NPIPB7: variants seen among roughly 807,000 people sequenced by gnomAD.
The protein encoded by NPIPB7 is nuclear pore complex-interacting protein family member B7.
For synonymous variants in NPIPB7, 9 were observed against 88.1 expected (o/e 0.10, Z 5.03); for missense variants, 14 against 238.5 (o/e 0.06, Z 6.20).
intron 2 of NPIPB7, among the ~76,000 whole-genome samples, chr16:28,463,547 A>G (rs2045885135): frequency 7.1e-6 from 1 of 140,694 alleles, no homozygotes; most frequent in South Asian, 2.3e-4. Context: ...ACCAACATGG[A>G]GAAACGCTGT....
intron 2 of NPIPB7, among the ~76,000 whole-genome samples, chr16:28,463,389 TCACACA>T (rs57853696): frequency 0.04 from 1,820 of 45,706 alleles, 17 homozygotes; most frequent in South Asian, 0.073. Flanking sequence ...AGACTCTGTC[TCACACA>T]CACACACACA....
intron 2 of NPIPB7, among the ~76,000 whole-genome samples, chr16:28,465,421 G>A (rs1882237316): frequency 1.9e-5 from 2 of 103,904 alleles, no homozygotes; most frequent in South Asian, 3.8e-4. Context: ...GGAGGTGGAG[G>A]TTGCAGTGAG....
chr16:28,462,328 G>A (rs2045876815), intron 4 of NPIPB7, among the ~76,000 whole-genome samples: 1 of 139,920 alleles, frequency 7.1e-6, no homozygotes, highest in South Asian at 2.2e-4. Context: ...GCTGAGGCAG[G>A]AGAATTGCTT....
intron 1 of NPIPB7, among the ~76,000 whole-genome samples, chr16:28,468,806 CA>C (rs1032086551): frequency 0.023 from 565 of 24,394 alleles, 13 homozygotes; most frequent in East Asian, 0.074. Flanking sequence ...GACTCTGTCT[CA>C]AAAAAAAAAA....
upstream of NPIPB7, among the ~76,000 whole-genome samples, chr16:28,471,989 C>T (rs1260679902): frequency 3.3e-5 from 5 of 152,018 alleles, no homozygotes; most frequent in East Asian, 5.8e-4. Flanking sequence ...GAGATAGTGC[C>T]ACTGCACTCC....
chr16:28,463,408 C>CAG (rs1811681888), intron 2 of NPIPB7, among the ~76,000 whole-genome samples: 1 of 102,816 alleles, frequency 9.7e-6, no homozygotes. Flanking sequence ...CACACACACA[C>CAG]ACACACACAC....
chr16:28,465,739 A>AT (rs2045902817), intron 2 of NPIPB7, among the ~76,000 whole-genome samples: 1 of 83,088 alleles, frequency 1.2e-5, no homozygotes, highest in African/African-American at 4.0e-5. Flanking sequence ...ATCTTGGATC[A>AT]TTGTTCAGGA....
At chr16:28,470,729 A>G (rs2141686802), upstream of NPIPB7, among the ~76,000 whole-genome samples, 1 of 150,894 alleles carries the variant, frequency 6.6e-6, no homozygotes, top group South Asian at 2.1e-4. Flanking sequence ...GGAGAAGAAG[A>G]AAGGGGTCTG....
upstream of NPIPB7, among the ~76,000 whole-genome samples, chr16:28,470,735 G>T (rs1444841996): frequency 6.6e-6 from 1 of 150,944 alleles, no homozygotes; most frequent in Non-Finnish European, 1.5e-5. Context: ...GAAGAAAGGG[G>T]TCTGGGAAAG....
upstream of NPIPB7, among the ~76,000 whole-genome samples, chr16:28,471,987 G>A (rs956789606): frequency 1.3e-5 from 2 of 152,026 alleles, no homozygotes; most frequent in Non-Finnish European, 2.9e-5. Context: ...CTGAGATAGT[G>A]CCACTGCACT....
upstream of NPIPB7, among the ~76,000 whole-genome samples, chr16:28,470,848 G>A (rs2045945758): frequency 4.7e-5 from 6 of 126,384 alleles, no homozygotes; most frequent in South Asian, 1.4e-3. Context: ...GGGAGCGTGA[G>A]GCTTAGGAGC....
intron 2 of NPIPB7, among the ~76,000 whole-genome samples, chr16:28,463,566 A>G (rs2045885310): frequency 6.9e-6 from 1 of 144,940 alleles, no homozygotes; most frequent in African/African-American, 2.6e-5. Context: ...GTCTCTGCTA[A>G]AAATACAAAA....
upstream of NPIPB7, among the ~76,000 whole-genome samples, chr16:28,472,225 C>A (rs185287876): frequency 2.0e-5 from 3 of 152,028 alleles, no homozygotes; most frequent in East Asian, 1.9e-4. Flanking sequence ...CCAGACTGGG[C>A]AACATAGTGA....
chr16:28,470,636 AG>A (rs1317574920), upstream of NPIPB7: 8 of 13,428 alleles, frequency 6.0e-4, no homozygotes, highest in South Asian at 9.2e-4. Context: ...GGGGAGGGGG[AG>A]GGGAAGGGGA....
chr16:28,470,530 C>T lies in NPIPB7; in HGVS notation c.-92G>A, dbSNP rs1303631330. 3.7e-5 allele frequency: 23 copies of T among 616,448 alleles called. No homozygotes were observed. The East Asian group carries it at 3.9e-4, about 10-fold the overall frequency. 38.2% of individuals were successfully genotyped at this position (616,448 alleles called of 1,614,324 possible). A position where few individuals can be genotyped will look rare whatever the true frequency, so the allele number is the denominator to read the frequency against. ...GAGGGAAGGGGACGGGGACCGGGGC[C>T]GGATCTGAGTTGGGGCGGGGGAGGG... On this transcript the variant is annotated 5_prime_UTR_variant, in exon 1 of 7. Transcript: ENST00000452313.
chr16:28,469,905 G>A (rs1432907393), intron 1 of NPIPB7: 1 of 277,124 alleles, frequency 3.6e-6, no homozygotes, highest in East Asian at 1.2e-4. Flanking sequence ...CCCGGAAGCG[G>A]AGGTTGCAGT....
intron 4 of NPIPB7, among the ~76,000 whole-genome samples, chr16:28,458,797 CGGAT>C (rs1489292569): frequency 4.0e-4 from 13 of 32,696 alleles, no homozygotes; most frequent in African/African-American, 1.3e-3. Flanking sequence ...GAGGGCGAGG[CGGAT>C]GGATCACGAG....
At chr16:28,470,573 GAGGGGGAGGGGAAGGGGAGGGGGAGGGGA>G (rs1358282227), upstream of NPIPB7, 2 of 94,040 alleles carry the variant, frequency 2.1e-5, no homozygotes, top group Non-Finnish European at 1.7e-5. Flanking sequence ...AGGGGAAGGG[GAGGGGGAGGGGAAGGGGAGGGGGAGGGGA>G]AGGGGAAGGG....
chr16:28,470,587 G>A (rs2045941037), upstream of NPIPB7: 2 of 51,630 alleles, frequency 3.9e-5, no homozygotes, highest in Non-Finnish European at 6.6e-5. Context: ...GGGAGGGGAA[G>A]GGGAGGGGGA....
Sources: allele counts gnomAD v4.1 joint callset (sites outside exome capture counted in the v4.1 genomes callset), GRCh38; gene constraint gnomAD v4.1.1; transcripts MANE v1.5; gene names NCBI Gene and HGNC (gene_info 2026-07-23, HGNC 2026-07-21).